The following CNTNAP2 variants were observed in gnomAD, a reference collection of about 807,000 sequenced individuals.
The protein encoded by CNTNAP2 is contactin associated protein 2.
Under a neutral mutation model 155.2 loss-of-function variants are expected in CNTNAP2, and 98 were observed. The ratio of observed to expected loss-of-function variants is 0.63; its 90% CI spans 0.54 to 0.75. The LOEUF (loss-of-function observed/expected upper bound fraction) is 0.75. Ranked by LOEUF, CNTNAP2 falls within the 30% of genes least tolerant of loss-of-function variation. The probability of loss-of-function intolerance (pLI) is 0.00; values close to 1 mark genes in which losing one functional copy is unlikely to be tolerated. For synonymous variants in CNTNAP2, 651 were observed against 631.2 expected (o/e 1.03, Z -0.47); for missense variants, 1,727 against 1,688.1 (o/e 1.02, Z -0.40).
chr7:147,979,750 G>A (rs899913800), intron 15 of CNTNAP2, among the ~76,000 whole-genome samples: 1 of 152,052 alleles, frequency 6.6e-6, no homozygotes, highest in Non-Finnish European at 1.5e-5. Flanking sequence ...AGCCTCCCAA[G>A]TAGCTGGGAT....
Position 146,915,282 on chromosome 7 carries a change from T to A in CNTNAP2, c.402+75378T>A, listed in dbSNP as rs143996458. On this transcript the variant is annotated intron_variant, in intron 3 of 23. Coordinates refer to ENST00000361727, the MANE Select transcript of CNTNAP2 (RefSeq NM_014141.6). ...ATTTGTTATTTTCACTTAGTCTTGC[T>A]TTGGCTGTGCAGATTCTTTTCTGAT... Among the ~76,000 whole-genome samples, 20 of 152,250 alleles carry A rather than the reference T, an allele frequency of 1.3e-4. 1 individual carries two copies. In the East Asian group the frequency reaches 3.5e-3, roughly 26 times the overall value.
intron 5 of CNTNAP2, among the ~76,000 whole-genome samples, chr7:147,109,481 C>T (rs577019944): frequency 2.8e-4 from 43 of 151,910 alleles, no homozygotes; most frequent in African/African-American, 8.7e-4. Context: ...GTAGAACTTT[C>T]GATTATGGAA....
intron 15 of CNTNAP2, among the ~76,000 whole-genome samples, chr7:148,073,726 C>T (rs1283555618): frequency 1.3e-5 from 2 of 151,632 alleles, no homozygotes; most frequent in African/African-American, 2.4e-5. Context: ...GTACAGCTGA[C>T]CCTTGAACAA....
chr7:146,681,679 C>A (rs1800507583), intron 1 of CNTNAP2, among the ~76,000 whole-genome samples: 1 of 152,024 alleles, frequency 6.6e-6, no homozygotes, highest in East Asian at 1.9e-4. Flanking sequence ...TAATTGGGTA[C>A]TAGGCTTAAT....
chr7:148,220,080 C>T (rs1201674931), intron 19 of CNTNAP2, among the ~76,000 whole-genome samples: 2 of 152,192 alleles, frequency 1.3e-5, no homozygotes, highest in Non-Finnish European at 2.9e-5. Flanking sequence ...GTCAAAGATT[C>T]ATCATGAAGA....
intron 4 of CNTNAP2, among the ~76,000 whole-genome samples, chr7:147,060,999 T>C (rs1036685068): frequency 1.3e-5 from 2 of 152,256 alleles, no homozygotes; most frequent in Non-Finnish European, 2.9e-5. Context: ...ACTTTATTAC[T>C]AATATTCAAA....
At chr7:146,858,203 C>T (rs563301026) in intron 3 of CNTNAP2, among the ~76,000 whole-genome samples, 5 of 152,240 alleles carry the variant, frequency 3.3e-5, no homozygotes, top group Non-Finnish European at 7.3e-5. Flanking sequence ...CAGAGGAGTA[C>T]TTAGTGTTCC....
chr7:148,037,125 C>T (rs1802585544), intron 15 of CNTNAP2, among the ~76,000 whole-genome samples: 1 of 152,074 alleles, frequency 6.6e-6, no homozygotes, highest in Non-Finnish European at 1.5e-5. Context: ...TCCAGTATTG[C>T]CCACTGATCA....
At chr7:146,716,686 C>T (rs1554471771) in intron 1 of CNTNAP2, among the ~76,000 whole-genome samples, 1 of 152,168 alleles carries the variant, frequency 6.6e-6, no homozygotes, top group Non-Finnish European at 1.5e-5. Flanking sequence ...CCAGATTTCT[C>T]ATTTCTCCCT....
chr7:147,736,085 G>A lies in CNTNAP2; in HGVS notation c.2098+96779G>A, dbSNP rs533312970. 5.4e-5 allele frequency among the ~76,000 whole-genome samples: 8 copies of A among 148,678 alleles called. No individual in the cohort carries two copies. In the South Asian group the frequency reaches 1.8e-3, roughly 33 times the overall value. On this transcript the variant is annotated intron_variant, in intron 13 of 23. Coordinates refer to ENST00000361727, the MANE Select transcript of CNTNAP2 (RefSeq NM_014141.6). ...CATTATGATATTAGCTGGTTATTTTGCTCGTTAGTTGATGCAGTTTCTTCC... is the reference window on the plus strand; with the variant it reads ...CATTATGATATTAGCTGGTTATTTTACTCGTTAGTTGATGCAGTTTCTTCC...
At chr7:147,813,240 C>A (rs1211481260) in intron 13 of CNTNAP2, among the ~76,000 whole-genome samples, 1 of 152,072 alleles carries the variant, frequency 6.6e-6, no homozygotes, top group East Asian at 1.9e-4. Flanking sequence ...CAAAAACTAC[C>A]TTTATGGAGT....
At chr7:146,209,750 T>C (rs1178024805) in intron 1 of CNTNAP2, among the ~76,000 whole-genome samples, 1 of 152,196 alleles carries the variant, frequency 6.6e-6, no homozygotes, top group Non-Finnish European at 1.5e-5. Context: ...AATCAATCAA[T>C]TAATTCAAAC....
chr7:147,198,825 T>G (rs1802861930), intron 8 of CNTNAP2, among the ~76,000 whole-genome samples: 1 of 152,072 alleles, frequency 6.6e-6, no homozygotes. Context: ...AACAAGAAAC[T>G]GCAACAACAA....
intron 10 of CNTNAP2, among the ~76,000 whole-genome samples, chr7:147,421,966 A>G (rs939771799): frequency 2.0e-5 from 3 of 151,844 alleles, no homozygotes; most frequent in African/African-American, 7.3e-5. Flanking sequence ...TGCCGTCAAC[A>G]TGTTTCTTGT....
At chr7:147,253,727 T>G (rs148890209) in intron 8 of CNTNAP2, among the ~76,000 whole-genome samples, 58 of 152,330 alleles carry the variant, frequency 3.8e-4, no homozygotes, top group African/African-American at 1.3e-3. Context: ...CCAGGCAGCC[T>G]GCTGCTGCAT....
At chr7:147,400,805 A>G (rs1270842958) in intron 10 of CNTNAP2, among the ~76,000 whole-genome samples, 1 of 152,232 alleles carries the variant, frequency 6.6e-6, no homozygotes, top group Non-Finnish European at 1.5e-5. Flanking sequence ...CAAGAAAACC[A>G]TAGATCGAGC....
At chr7:147,489,668 T>G (rs147947437) in intron 11 of CNTNAP2, among the ~76,000 whole-genome samples, 3,768 of 152,300 alleles carry the variant, frequency 0.025, 69 homozygotes, top group Non-Finnish European at 0.038. Context: ...CAGGCTTGAG[T>G]GCAGTGGCAT....
intron 1 of CNTNAP2, among the ~76,000 whole-genome samples, chr7:146,432,325 T>C (rs1584922789): frequency 6.6e-6 from 1 of 152,266 alleles, no homozygotes; most frequent in East Asian, 1.9e-4. Flanking sequence ...TCATGCTCAC[T>C]GTTTTTACAT....
chr7:146,373,587 G>T (rs1795266726), intron 1 of CNTNAP2, among the ~76,000 whole-genome samples: 1 of 151,976 alleles, frequency 6.6e-6, no homozygotes, highest in Non-Finnish European at 1.5e-5. Flanking sequence ...TAAAAGGATG[G>T]AGTATATGAA....
Sources: gnomAD v4.1 joint callset for allele counts (sites outside exome capture counted in the v4.1 genomes callset) on GRCh38, gnomAD v4.1.1 for gene constraint, MANE v1.5 for transcripts, NCBI Gene and HGNC (gene_info 2026-07-23, HGNC 2026-07-21) for gene names.